The following NCK2 variants were observed in gnomAD, a reference collection of about 807,000 sequenced individuals.
NCK2 encodes the protein cytoplasmic protein NCK2.
NCK2 carries 16 observed loss-of-function variants against 33.9 expected under a neutral mutation model. The observed-to-expected ratio is 0.47, with a 90% CI of 0.32 to 0.72. The LOEUF is 0.72. Ranked by LOEUF, NCK2 falls within the 30% of genes least tolerant of loss-of-function variation. The pLI, the probability that NCK2 is intolerant of heterozygous loss-of-function variation, is 0.03. For synonymous variants in NCK2, 273 were observed against 239.9 expected (o/e 1.14, Z -1.27); for missense variants, 418 against 537.3 (o/e 0.78, Z 2.19).
intron 2 of NCK2, among the ~76,000 whole-genome samples, chr2:105,834,778 C>A (rs980377223): frequency 1.6e-4 from 24 of 151,886 alleles, no homozygotes; most frequent in African/African-American, 5.6e-4. Flanking sequence ...AGTGACTGCC[C>A]CCCTGCTTCA....
intron 1 of NCK2, among the ~76,000 whole-genome samples, chr2:105,763,885 A>T (rs1450476868): frequency 2.6e-5 from 4 of 152,260 alleles, no homozygotes; most frequent in Non-Finnish European, 5.9e-5. Context: ...TATAAATACC[A>T]GCTGCTAGAA....
At chr2:105,750,840 G>A (rs1465894065) in intron 1 of NCK2, among the ~76,000 whole-genome samples, 1 of 152,222 alleles carries the variant, frequency 6.6e-6, no homozygotes, top group Non-Finnish European at 1.5e-5. Flanking sequence ...GATGAAGAGA[G>A]CAAAGCAAGA....
At chr2:105,745,833 C>G (rs1313232257) in intron 1 of NCK2, 1 of 152,206 alleles carries the variant, frequency 6.6e-6, no homozygotes, top group Non-Finnish European at 1.5e-5. Flanking sequence ...GCTCGGCTCT[C>G]TCGGTTTTTT....
At chr2:105,886,243 T>C (rs1033760855) in intron 4 of NCK2, among the ~76,000 whole-genome samples, 1 of 152,242 alleles carries the variant, frequency 6.6e-6, no homozygotes, top group African/African-American at 2.4e-5. Flanking sequence ...CATATTTAAC[T>C]CTTGAAGATG....
intron 3 of NCK2, among the ~76,000 whole-genome samples, chr2:105,863,545 G>A (rs547376320): frequency 2.0e-5 from 3 of 152,144 alleles, no homozygotes; most frequent in Non-Finnish European, 4.4e-5. Flanking sequence ...ATTTCATCTG[G>A]TCGGGATGTG....
intron 1 of NCK2, among the ~76,000 whole-genome samples, chr2:105,748,166 G>A (rs192580960): frequency 1.7e-4 from 26 of 152,226 alleles, no homozygotes; most frequent in Admixed American, 2.6e-4. Context: ...GATGTCATAC[G>A]GTGTCACTGT....
intron 2 of NCK2, among the ~76,000 whole-genome samples, chr2:105,832,805 A>G (rs1336351325): frequency 2.0e-5 from 3 of 150,606 alleles, no homozygotes; most frequent in African/African-American, 4.9e-5. Flanking sequence ...GTGTCAGGAT[A>G]ATACTGGCCT....
Position 105,859,646 on chromosome 2 carries a change from G to A in NCK2, c.226+4357G>A, listed in dbSNP as rs540280050. Among the ~76,000 whole-genome samples the A allele has an allele frequency of 9.2e-4, 140 of 152,368 alleles. 1 individual carries two copies. Among genetic ancestry groups the A allele is most frequent in the African/African-American group, 3.3e-3 (137 of 41,584 alleles). On this transcript the variant is annotated intron_variant, in intron 3 of 4. Coordinates refer to ENST00000233154, the MANE Select transcript of NCK2 (RefSeq NM_003581.5). ...TGGGGACAGGGTGGCTGGCACCCGT[G>A]GGTGAAATTGACAGGGTTCTGAGAG... is the stretch of plus-strand genomic sequence containing the variant.
Position 105,749,179 on chromosome 2 carries a change from C to T in NCK2, c.-201+4041C>T, listed in dbSNP as rs149025305. On this transcript the variant is annotated intron_variant, in intron 1 of 4. Transcript: ENST00000233154. ...TGTTCCTATCAACCTGAATTCAAAA[C>T]GCTGGGCAGACCGTTTGTGATCCTG... 1.7e-3 allele frequency among the ~76,000 whole-genome samples: 260 copies of T among 152,286 alleles called. 1 individual carries two copies. Among genetic ancestry groups the T allele is most frequent in the African/African-American group, 5.6e-3 (234 of 41,560 alleles).
Position 105,881,398 on chromosome 2 carries a change from C to T in NCK2, c.297C>T (p.Tyr99=), listed in dbSNP as rs1678474621. 2 of 1,612,096 alleles carry T rather than the reference C, an allele frequency of 1.2e-6. No homozygotes were observed. Among genetic ancestry groups the T allele is most frequent in the Admixed American group, 1.7e-5 (1 of 59,990 alleles). ...ASPTPSTDAE[Y]PANGSGADRI... ...CCACGCCCAGCACGGACGCCGAGTA[C>T]CCCGCCAATGGCAGCGGCGCCGACC... The change falls in exon 4 of 5, where the codon TAC becomes TAT. Residue 99 remains tyrosine, a synonymous_variant. Transcript: ENST00000233154.
At chr2:105,872,300 C>T (rs1343389712) in intron 3 of NCK2, among the ~76,000 whole-genome samples, 2 of 152,212 alleles carry the variant, frequency 1.3e-5, no homozygotes, top group Non-Finnish European at 2.9e-5. Flanking sequence ...CAGGCCTGCC[C>T]TGTGCCCTTG....
At chr2:105,829,346 A>G (rs1676077694) in intron 2 of NCK2, among the ~76,000 whole-genome samples, 1 of 152,176 alleles carries the variant, frequency 6.6e-6, no homozygotes, top group African/African-American at 2.4e-5. Flanking sequence ...GCTTATGAAG[A>G]TAGCCTAAAA....
At chr2:105,767,281 G>T (rs4851854) in intron 1 of NCK2, among the ~76,000 whole-genome samples, 51,256 of 152,160 alleles carry the variant, frequency 0.34, 9,761 homozygotes, top group East Asian at 0.46. Context: ...TGCTCGTGAC[G>T]TGGCCTACTT....
intron 3 of NCK2, among the ~76,000 whole-genome samples, chr2:105,861,856 A>G (rs1677547162): frequency 6.6e-6 from 1 of 151,946 alleles, no homozygotes; most frequent in African/African-American, 2.4e-5. Context: ...TACCACAAGA[A>G]TCATGCTCAG....
chr2:105,781,578 T>C (rs1405448836), intron 1 of NCK2, among the ~76,000 whole-genome samples: 1 of 152,228 alleles, frequency 6.6e-6, no homozygotes, highest in Admixed American at 6.5e-5. Flanking sequence ...GCCATTGCCA[T>C]AGTGTGACTT....
intron 1 of NCK2, among the ~76,000 whole-genome samples, chr2:105,768,219 G>T (rs1690010447): frequency 6.6e-6 from 1 of 152,182 alleles, no homozygotes; most frequent in African/African-American, 2.4e-5. Flanking sequence ...AGTCCAGTGT[G>T]TGTTTGCCCT....
At chr2:105,755,012 C>T (rs1209047581) in intron 1 of NCK2, among the ~76,000 whole-genome samples, 7 of 151,990 alleles carry the variant, frequency 4.6e-5, no homozygotes, top group African/African-American at 1.5e-4. Flanking sequence ...CCGTCTCTCC[C>T]GCCCTGAACA....
chr2:105,827,363 C>T (rs1284597904), intron 2 of NCK2, among the ~76,000 whole-genome samples: 1 of 152,112 alleles, frequency 6.6e-6, no homozygotes, highest in East Asian at 1.9e-4. Flanking sequence ...GTAAAAACTG[C>T]TAGAACTACA....
chr2:105,890,035 A>G (rs1175615784), intron 4 of NCK2, among the ~76,000 whole-genome samples: 9 of 152,204 alleles, frequency 5.9e-5, no homozygotes, highest in Admixed American at 3.3e-4. Flanking sequence ...TAGTATACAG[A>G]TTGTTCTTTT....
Sources: gnomAD v4.1 joint callset for allele counts (sites outside exome capture counted in the v4.1 genomes callset) on GRCh38, gnomAD v4.1.1 for gene constraint, MANE v1.5 for transcripts, NCBI Gene and HGNC (gene_info 2026-07-23, HGNC 2026-07-21) for gene names.